Variants in ACTN4 observed in about 807,000 individuals in gnomAD.
The protein encoded by ACTN4 is actinin alpha 4, also known as alpha-actinin-4.
ACTN4 carries 18 observed loss-of-function variants against 114.2 expected under a neutral mutation model. The observed-to-expected ratio is 0.16, with a 90% CI of 0.11 to 0.23. ACTN4 has a LOEUF of 0.23. Ranked by LOEUF, ACTN4 falls within the 10% of genes least tolerant of loss-of-function variation. The pLI is 1.00. For synonymous variants in ACTN4, 515 were observed against 506.3 expected (o/e 1.02, Z -0.23); for missense variants, 722 against 1,262.9 (o/e 0.57, Z 6.49).
intron 11 of ACTN4, among the ~76,000 whole-genome samples, chr19:38,719,091 C>T (rs918107758): frequency 1.3e-5 from 2 of 152,252 alleles, no homozygotes; most frequent in African/African-American, 4.8e-5. Context: ...CTGCAGCTGC[C>T]TGGCCGTTGG....
At position 38,724,345 on chromosome 19, in the gene ACTN4, C is replaced by T. The variant is rs372412986; in HGVS notation, c.1875+6C>T. 3.1e-6 allele frequency: 5 copies of T among 1,613,268 alleles called. No individual in the cohort carries two copies. The highest frequency in any genetic ancestry group is 4.2e-6 in the Non-Finnish European group (5 of 1,179,902). On this transcript the variant is annotated splice_donor_region_variant and intron_variant, in intron 15 of 20. Coordinates refer to ENST00000252699, the MANE Select transcript of ACTN4 (RefSeq NM_004924.6). This position sits in a 1 kb window ranked among gnomAD's most constrained non-coding sequence, Gnocchi z 7.0. ...TCAACTCCAAGTGGGAGAAGGTGGG[C>T]CGGGGCCATCCGTAGGGGCTGGGGC...
chr19:38,691,969 G>A (rs1967945523), intron 1 of ACTN4, among the ~76,000 whole-genome samples: 2 of 152,062 alleles, frequency 1.3e-5, no homozygotes, highest in Admixed American at 6.5e-5. Flanking sequence ...CACCTCAAAG[G>A]GGATTGTCCA....
intron 1 of ACTN4, among the ~76,000 whole-genome samples, chr19:38,697,721 C>T (rs112688238): frequency 2.2e-4 from 34 of 152,366 alleles, no homozygotes; most frequent in Middle Eastern, 3.4e-3. Context: ...CACCAGAGCA[C>T]GGGGCCTTGC....
rs574217055 is a variant in ACTN4, at chr19:38,727,253, G to C, written c.2337+150G>C. On this transcript the variant is annotated intron_variant, in intron 18 of 20. Transcript: ENST00000252699. This position sits in a 1 kb window ranked among gnomAD's most constrained non-coding sequence, Gnocchi z 5.4. ...GGCCAGCAGGGCCCTGCCACTGTCA[G>C]GGTGTAGGTGTGCGGCACCAAGACC... 153 of 1,283,980 alleles carry C rather than the reference G, an allele frequency of 1.2e-4. No individual in the cohort carries two copies. Among genetic ancestry groups the C allele is most frequent in the Admixed American group, 1.2e-3 (58 of 49,986 alleles). The allele number at this position is 1,283,980 out of a possible 1,614,324, so 79.5% of individuals were successfully genotyped here.
intron 1 of ACTN4, among the ~76,000 whole-genome samples, chr19:38,679,168 T>C (rs971819598): frequency 3.9e-5 from 6 of 152,200 alleles, no homozygotes; most frequent in Non-Finnish European, 7.3e-5. Flanking sequence ...TGGGCGCAGT[T>C]TATGTGTAAG....
At chr19:38,659,197 A>G (rs1016331563) in intron 1 of ACTN4, among the ~76,000 whole-genome samples, 3 of 151,094 alleles carry the variant, frequency 2.0e-5, no homozygotes, top group African/African-American at 7.3e-5. Context: ...AGTAGCTGGG[A>G]CTACAGGCAT....
intron 1 of ACTN4, among the ~76,000 whole-genome samples, chr19:38,670,816 G>T (rs1046900112): frequency 6.6e-6 from 1 of 151,716 alleles, no homozygotes; most frequent in African/African-American, 2.4e-5. Context: ...CCAGCTACTC[G>T]GGAGGCTGAG....
At chr19:38,704,336 G>A (rs754927792) in intron 3 of ACTN4, among the ~76,000 whole-genome samples, 5 of 152,192 alleles carry the variant, frequency 3.3e-5, no homozygotes, top group Admixed American at 6.5e-5. Flanking sequence ...CTGCTGTGTC[G>A]ATGTGGATTA....
Position 38,730,154 on chromosome 19 carries a change from CAAAAAAACTA to C in ACTN4, c.*723_*732del, listed in dbSNP as rs1568757284. On this transcript the variant is annotated 3_prime_UTR_variant, in exon 21 of 21. Coordinates refer to ENST00000252699, the MANE Select transcript of ACTN4 (RefSeq NM_004924.6). The stretch of plus-strand genomic sequence containing the variant: ...CCAAAAAAAAAAAAAATCACAAAAA[CAAAAAAACTA>C]TAAAAAAGAAAGAATTAAAAACTTT... 1 of 131,056 alleles carries C rather than the reference CAAAAAAACTA, an allele frequency of 7.6e-6. No homozygotes were observed. Among genetic ancestry groups the C allele is most frequent in the East Asian group, 2.4e-4 (1 of 4,234 alleles). The allele number at this position is 131,056 out of a possible 1,614,324, so 8.1% of individuals were successfully genotyped here.
rs1472689196 is a variant in ACTN4 at position 38,730,444 on chromosome 19, TTTATTCTGA to T, written c.*1015_*1023del. On this transcript the variant is annotated 3_prime_UTR_variant, in exon 21 of 21. Coordinates refer to ENST00000252699, the MANE Select transcript of ACTN4 (RefSeq NM_004924.6). ...GCTCCCCCTACCTTTTTTTTTTGAG[TTTATTCTGA>T]TTGATTTTTTTTCTTGGTTTCTGGA... 1 of 198,048 alleles carries T rather than the reference TTTATTCTGA, an allele frequency of 5.0e-6. No individual in the cohort carries two copies. The highest frequency in any genetic ancestry group is 1.0e-5 in the Non-Finnish European group (1 of 95,248). 12.3% of individuals were successfully genotyped at this position (198,048 alleles called of 1,614,324 possible). A position where few individuals can be genotyped will look rare whatever the true frequency, so the allele number is the denominator to read the frequency against.
chr19:38,728,260 C>G, intron 19 of ACTN4: 1 of 1,524,732 alleles, frequency 6.6e-7, no homozygotes, highest in Admixed American at 2.0e-5. Flanking sequence ...ATGGGGCGGC[C>G]CCTCTTGCCT....
chr19:38,719,651 C>T (rs922335865), intron 11 of ACTN4, among the ~76,000 whole-genome samples: 1 of 152,254 alleles, frequency 6.6e-6, no homozygotes, highest in Admixed American at 6.5e-5. Flanking sequence ...CATCCATTCC[C>T]GGATTCACTC....
At position 38,723,704 on chromosome 19, in the gene ACTN4, T is replaced by A. The variant is rs1969126647; in HGVS notation, c.1533T>A (p.Ser511Arg). ...ACGCCCTCGGCTCTCTGACACATAGTCGCAGGGAAGCCCTGGAGGTGAGGA... is the reference window on the plus strand; with the variant it reads ...ACGCCCTCGGCTCTCTGACACATAGACGCAGGGAAGCCCTGGAGGTGAGGA... The part of the protein sequence containing the change: ...QWDALGSLTH[S>R]RREALEKTEK... The change falls in exon 13 of 21, where the codon AGT (serine) becomes AGA (arginine). Residue 511 changes from serine to arginine, a missense_variant. By Grantham distance (110) the Ser-to-Arg change is moderately radical (BLOSUM62 -1). Around this residue, in one of 3 missense-constraint regions of ACTN4, gnomAD observed 523 missense variants for 875.9 expected, o/e 0.60. Transcript: ENST00000252699. 2 of 1,611,538 alleles carry A rather than the reference T, an allele frequency of 1.2e-6. No individual in the cohort carries two copies. Among genetic ancestry groups the A allele is most frequent in the African/African-American group, 2.7e-5 (2 of 74,858 alleles).
intron 1 of ACTN4, among the ~76,000 whole-genome samples, chr19:38,684,516 C>A (rs1416898974): frequency 6.6e-6 from 1 of 152,206 alleles, no homozygotes; most frequent in Non-Finnish European, 1.5e-5. Flanking sequence ...CAGCAGGGGC[C>A]CCTTTGTCCT....
intron 1 of ACTN4, among the ~76,000 whole-genome samples, chr19:38,664,203 G>A (rs1378155206): frequency 4.6e-5 from 7 of 152,166 alleles, no homozygotes; most frequent in African/African-American, 1.7e-4. Flanking sequence ...GCTTCCAGGT[G>A]CTATTCTTTT....
chr19:38,681,674 G>A (rs370576597), intron 1 of ACTN4, among the ~76,000 whole-genome samples: 20 of 152,234 alleles, frequency 1.3e-4, no homozygotes, highest in South Asian at 6.2e-4. Flanking sequence ...CGACTGGCTC[G>A]CCAGTGTCCC....
At chr19:38,663,392 G>A (rs922468362) in intron 1 of ACTN4, among the ~76,000 whole-genome samples, 1 of 152,194 alleles carries the variant, frequency 6.6e-6, no homozygotes, top group Admixed American at 6.5e-5. Context: ...GACCTGGTCC[G>A]TGCTCTCAAA....
At chr19:38,705,567 C>A (rs34332511) in intron 4 of ACTN4, among the ~76,000 whole-genome samples, 1 of 152,208 alleles carries the variant, frequency 6.6e-6, no homozygotes, top group Non-Finnish European at 1.5e-5. Context: ...TTCCTGCCCT[C>A]GAAGGGCTCC....
intron 1 of ACTN4, among the ~76,000 whole-genome samples, chr19:38,660,985 G>C (rs1051716759): frequency 6.6e-6 from 1 of 152,144 alleles, no homozygotes; most frequent in African/African-American, 2.4e-5. Flanking sequence ...ATGAGAAAGA[G>C]AGAACCAAGA....
Sources: allele counts gnomAD v4.1 joint callset (sites outside exome capture counted in the v4.1 genomes callset), GRCh38; gene constraint gnomAD v4.1.1; regional missense constraint gnomAD v4.1.1; non-coding constraint Gnocchi (gnomAD v3.1); transcripts MANE v1.5; gene names NCBI Gene and HGNC (gene_info 2026-07-23, HGNC 2026-07-21).